Variants in STPG1 observed in about 807,000 individuals in gnomAD.
STPG1 encodes sperm tail PG-rich repeat containing 1.
Under a neutral mutation model 40.1 loss-of-function variants are expected in STPG1, and 33 were observed. The observed-to-expected ratio is 0.82, with a 90% CI of 0.62 to 1.10. The LOEUF is 1.10. Ranked by LOEUF, STPG1 falls within the 50% of genes least tolerant of loss-of-function variation. The pLI is 0.00. For missense variants in STPG1, 396 were observed against 415.1 expected (o/e 0.95, Z 0.40); for synonymous variants, 150 against 155.0 (o/e 0.97, Z 0.24).
At chr1:24,404,460 T>C (rs1487922534) in intron 1 of STPG1, among the ~76,000 whole-genome samples, 2 of 152,200 alleles carry the variant, frequency 1.3e-5, no homozygotes, top group Admixed American at 6.5e-5. Flanking sequence ...AGTTGGAAGG[T>C]GTTTTTTTCT....
chr1:24,365,906 C>T (rs993807429), intron 7 of STPG1, among the ~76,000 whole-genome samples: 4 of 152,182 alleles, frequency 2.6e-5, no homozygotes, highest in Non-Finnish European at 5.9e-5. Context: ...CCACTGCCCA[C>T]GCTGCCTCCA....
intron 1 of STPG1, among the ~76,000 whole-genome samples, chr1:24,406,693 A>G (rs555439121): frequency 1.2e-4 from 18 of 152,080 alleles, no homozygotes; most frequent in Non-Finnish European, 2.2e-4. Flanking sequence ...GAACTTTTAT[A>G]TTACTCCTTT....
intron 1 of STPG1, among the ~76,000 whole-genome samples, chr1:24,404,956 T>C (rs1643359515): frequency 6.6e-6 from 1 of 152,220 alleles, no homozygotes; most frequent in Non-Finnish European, 1.5e-5. Context: ...CATTTGTTCT[T>C]CTCTTTCTAG....
Position 24,369,762 on chromosome 1 carries a change from G to A in STPG1, c.649C>T (p.Arg217Cys), listed in dbSNP as rs574188888. 24 of 1,613,058 alleles carry A rather than the reference G, an allele frequency of 1.5e-5. No individual in the cohort carries two copies. The highest frequency in any genetic ancestry group is 2.2e-5 in the South Asian group (2 of 91,008). Residue 217 changes from arginine (R) to cysteine (C), a missense_variant, in exon 7 of 9, where the codon CGT becomes TGT. Arg to Cys is a radical substitution (Grantham distance 180, BLOSUM62 -3). Transcript: ENST00000337248. Reference protein sequence around the residue: ...LMSCFKSKTNRGLKLTSTGPG... With the variant: ...LMSCFKSKTNCGLKLTSTGPG... ...CCTGTTGACGTCAGTTTTAATCCAC[G>A]GTTGGTTTTTGATTTAAAACAAGAC...
chr1:24,396,582 G>A (rs1643015820), intron 2 of STPG1, among the ~76,000 whole-genome samples: 1 of 152,142 alleles, frequency 6.6e-6, no homozygotes, highest in South Asian at 2.1e-4. Context: ...AACAAACTGG[G>A]GTGGCCGTGT....
At chr1:24,364,167 G>T (rs773826784) in intron 7 of STPG1, 1 of 1,487,998 alleles carries the variant, frequency 6.7e-7, no homozygotes. Flanking sequence ...AATTCTTGAC[G>T]TTCTCACTTT....
At chr1:24,369,455 T>G in intron 7 of STPG1, 1 of 681,840 alleles carries the variant, frequency 1.5e-6, no homozygotes, top group Non-Finnish European at 2.7e-6. Flanking sequence ...TAATAATAAT[T>G]GAATACAATT....
intron 7 of STPG1, chr1:24,364,571 G>A (rs377523202): frequency 3.1e-5 from 28 of 908,746 alleles, no homozygotes; most frequent in African/African-American, 2.4e-4. Context: ...GCCCTATCCC[G>A]GGAACATTTG....
At chr1:24,369,967 G>C in intron 6 of STPG1, 128 bp from the exon 7 acceptor site, 1 of 701,734 alleles carries the variant, frequency 1.4e-6, no homozygotes, top group East Asian at 2.8e-5. Context: ...CAAGTGGAAG[G>C]GCTGACTGAG....
chr1:24,358,959 C>A lies in STPG1; in HGVS notation c.929-340G>T, dbSNP rs529612193. Among the ~76,000 whole-genome samples the A allele has an allele frequency of 9.2e-5, 14 of 152,310 alleles. No homozygotes were observed. The South Asian group carries it at 2.7e-3, about 29-fold the overall frequency. On this transcript the variant is annotated intron_variant, in intron 8 of 8. Coordinates refer to ENST00000337248, the MANE Select transcript of STPG1 (RefSeq NM_001199013.2). ...TAGCTTCATGGGGTCTTGTTTTGATCTAGTTCAGGGGTTTCCATAAAAGCA... is the reference window on the plus strand; with the variant it reads ...TAGCTTCATGGGGTCTTGTTTTGATATAGTTCAGGGGTTTCCATAAAAGCA...
At chr1:24,369,609 C>T in intron 7 of STPG1, 65 bp downstream of exon 7, 1 of 1,517,000 alleles carries the variant, frequency 6.6e-7, no homozygotes, top group South Asian at 1.3e-5. Context: ...CCATCCTTTT[C>T]TCTATGTTGG....
intron 7 of STPG1, among the ~76,000 whole-genome samples, chr1:24,367,267 C>A (rs914121932): frequency 2.0e-5 from 3 of 152,162 alleles, no homozygotes. Context: ...CAAATGCAAA[C>A]GCCATAAAAT....
intron 7 of STPG1, among the ~76,000 whole-genome samples, chr1:24,368,355 T>C (rs1641569730): frequency 6.6e-6 from 1 of 152,202 alleles, no homozygotes; most frequent in Non-Finnish European, 1.5e-5. Flanking sequence ...TGACCCACTG[T>C]GGCTATGGCT....
chr1:24,385,471 G>A (rs1021468464), intron 3 of STPG1, among the ~76,000 whole-genome samples: 5 of 152,192 alleles, frequency 3.3e-5, no homozygotes, highest in South Asian at 2.1e-4. Context: ...ATGCAGATGC[G>A]AAGGGCTATG....
At chr1:24,410,386 G>A (rs776026829) in intron 1 of STPG1, among the ~76,000 whole-genome samples, 19 of 152,242 alleles carry the variant, frequency 1.2e-4, no homozygotes, top group East Asian at 7.7e-4. Context: ...CGAGGTGGGC[G>A]GATCATGAGG....
intron 2 of STPG1, among the ~76,000 whole-genome samples, chr1:24,394,224 A>C (rs543872072): frequency 4.6e-5 from 7 of 152,188 alleles, no homozygotes; most frequent in Non-Finnish European, 8.8e-5. Context: ...AATTCATGGA[A>C]CATAGAGTAT....
At chr1:24,364,490 T>C in intron 7 of STPG1, 2 of 1,384,586 alleles carry the variant, frequency 1.4e-6, no homozygotes, top group Non-Finnish European at 1.9e-6. Flanking sequence ...AAATGTTGCA[T>C]TTTCTATGGC....
intron 2 of STPG1, among the ~76,000 whole-genome samples, chr1:24,392,979 A>G (rs771312402): frequency 4.6e-5 from 7 of 152,026 alleles, no homozygotes; most frequent in Non-Finnish European, 1.0e-4. Flanking sequence ...AAAAAACAAT[A>G]CTCCTTTTCA....
At chr1:24,411,369 T>G (rs988344517) in intron 1 of STPG1, among the ~76,000 whole-genome samples, 1 of 152,174 alleles carries the variant, frequency 6.6e-6, no homozygotes, top group African/African-American at 2.4e-5. Flanking sequence ...TATAATAACC[T>G]CTCAGGCAGC....
Sources: allele counts gnomAD v4.1 joint callset (sites outside exome capture counted in the v4.1 genomes callset), GRCh38; gene constraint gnomAD v4.1.1; transcripts MANE v1.5; gene names NCBI Gene and HGNC (gene_info 2026-07-23, HGNC 2026-07-21).